The following KIF1B variants were observed in gnomAD, a reference collection of about 807,000 sequenced individuals.
The protein encoded by KIF1B is kinesin family member 1B.
In KIF1B, 76 loss-of-function variants were observed where a neutral mutation model predicts 241.9. The observed-to-expected ratio is 0.31, with a 90% confidence interval of 0.26 to 0.38. The LOEUF is 0.38. Among genes scored for constraint, KIF1B ranks in the 10% least tolerant of loss-of-function variants. The pLI is 1.00. For synonymous variants in KIF1B, 750 were observed against 796.7 expected (o/e 0.94, Z 0.99); for missense variants, 1,622 against 2,271.4 (o/e 0.71, Z 5.81).
At chr1:10,244,637 G>A (rs1341811047) in intron 2 of KIF1B, among the ~76,000 whole-genome samples, 2 of 133,800 alleles carry the variant, frequency 1.5e-5, no homozygotes, top group Non-Finnish European at 3.2e-5. Flanking sequence ...TTTTGAGACG[G>A]AGTCTTGCTC....
In KIF1B at chr1:10,363,304, C is replaced by A; in HGVS notation, c.4326C>A (p.Tyr1442Ter). ...SPDSNRVTGI[Y>*]ELSLCKMSDT... ...ATAGGAATCGAGTCACTGGCATTTA[C>A]GAACTCAGCTTATGCAAAATGTCAG... The change falls in exon 41 of 49, where the codon TAC becomes TAA. Residue 1442 changes from tyrosine to a stop codon, truncating the protein, a stop_gained. Transcript: ENST00000676179. LOFTEE classifies it high-confidence loss of function. 1 of 1,613,292 alleles carries A rather than the reference C, an allele frequency of 6.2e-7. No homozygotes were observed. Among genetic ancestry groups the A allele is most frequent in the Non-Finnish European group, 8.5e-7 (1 of 1,179,312 alleles).
chr1:10,371,779 A>G (rs561496417), intron 45 of KIF1B, among the ~76,000 whole-genome samples: 1 of 152,222 alleles, frequency 6.6e-6, no homozygotes, highest in African/African-American at 2.4e-5. Context: ...CAAAAAATAA[A>G]TAAGATACCC....
chr1:10,369,468 CA>C (rs1169909120), intron 44 of KIF1B, among the ~76,000 whole-genome samples: 2 of 151,820 alleles, frequency 1.3e-5, no homozygotes, highest in Non-Finnish European at 2.9e-5. Flanking sequence ...CCTATCTCTA[CA>C]AAAAAATTTT....
intron 22 of KIF1B, among the ~76,000 whole-genome samples, chr1:10,309,323 C>T (rs771808871): frequency 3.3e-5 from 5 of 152,096 alleles, no homozygotes; most frequent in Non-Finnish European, 5.9e-5. Context: ...CCTTTGCTGT[C>T]GGAGAAACTG....
intron 7 of KIF1B, 21 bp from the exon 8 acceptor site, chr1:10,271,481 C>T: frequency 1.3e-6 from 2 of 1,564,616 alleles, no homozygotes; most frequent in South Asian, 1.1e-5. Context: ...GAATTGCCCC[C>T]ATGTTATTGT....
At chr1:10,305,315 T>C (rs957012059) in intron 22 of KIF1B, 3 of 1,046,776 alleles carry the variant, frequency 2.9e-6, no homozygotes, top group Non-Finnish European at 3.5e-6. Context: ...TGTATCAGAA[T>C]ATGTATGAAA....
At chr1:10,286,841 AT>A (rs113522405) in intron 15 of KIF1B, among the ~76,000 whole-genome samples, 59 of 147,580 alleles carry the variant, frequency 4.0e-4, no homozygotes, top group East Asian at 7.9e-4. Flanking sequence ...GTTTTTTGGA[AT>A]TTTTTTTTTT....
At chr1:10,223,826 G>A (rs2102108779) in intron 1 of KIF1B, among the ~76,000 whole-genome samples, 1 of 152,186 alleles carries the variant, frequency 6.6e-6, no homozygotes, top group Non-Finnish European at 1.5e-5. Context: ...TTACAGGCGT[G>A]AGCCACTGTG....
chr1:10,285,615 C>T (rs1480173391), intron 15 of KIF1B, among the ~76,000 whole-genome samples: 2 of 152,154 alleles, frequency 1.3e-5, no homozygotes, highest in African/African-American at 4.8e-5. Context: ...AAACAGCTTC[C>T]TTAGTGTTTT....
intron 15 of KIF1B, among the ~76,000 whole-genome samples, chr1:10,286,023 C>G (rs750957255): frequency 1.3e-5 from 2 of 151,868 alleles, no homozygotes; most frequent in Non-Finnish European, 2.9e-5. Flanking sequence ...GTTAGGTACT[C>G]ATGTCACACC....
intron 2 of KIF1B, among the ~76,000 whole-genome samples, chr1:10,254,676 A>C (rs1489761916): frequency 1.3e-5 from 2 of 151,916 alleles, no homozygotes; most frequent in Admixed American, 6.6e-5. Flanking sequence ...GGAGATCAAG[A>C]CCATCCTGGC....
chr1:10,364,963 G>C (rs1315551545), intron 41 of KIF1B, 137 bp from the exon 42 acceptor site: 2 of 670,350 alleles, frequency 3.0e-6, no homozygotes, highest in South Asian at 3.6e-5. Flanking sequence ...CTGAGATCAC[G>C]CCACTGCACT....
intron 1 of KIF1B, among the ~76,000 whole-genome samples, chr1:10,214,390 A>G (rs1305879815): frequency 1.3e-5 from 2 of 151,734 alleles, no homozygotes; most frequent in Admixed American, 6.6e-5. Flanking sequence ...CCCGGGTTCA[A>G]ATGATTCTCC....
At position 10,303,289 on chromosome 1, in the gene KIF1B, C is replaced by T. The variant is rs1228634334; in HGVS notation, c.2115+6043C>T. On this transcript the variant is annotated intron_variant, in intron 22 of 48. Transcript: ENST00000676179. This position sits in a 1 kb window ranked among gnomAD's most constrained non-coding sequence, Gnocchi z 5.2. ...GCAAACCATTGTTAAAAAATGTGGC[C>T]TCCCAAGCAGTGGGAAGAAACGTGA... The T allele has an allele frequency of 2.5e-6, 4 of 1,614,160 alleles. No individual in the cohort carries two copies. Among genetic ancestry groups the T allele is most frequent in the Non-Finnish European group, 3.4e-6 (4 of 1,180,034 alleles).
At chr1:10,313,506 CT>C (rs1651156997) in intron 22 of KIF1B, among the ~76,000 whole-genome samples, 1 of 150,180 alleles carries the variant, frequency 6.7e-6, no homozygotes, top group Non-Finnish European at 1.5e-5. Flanking sequence ...ACAGCCAGTG[CT>C]GTGCCTTTAT....
At position 10,318,464 on chromosome 1, in the gene KIF1B, G is replaced by A. The variant is rs542158637; in HGVS notation, c.2116-1579G>A. The stretch of plus-strand genomic sequence containing the variant: ...GGGCTGGGTGCGGTGGCTCACGCCT[G>A]TAATCCCAGCACTTTGGGAGGCCAA... On this transcript the variant is annotated intron_variant, in intron 22 of 48. Coordinates refer to ENST00000676179, the MANE Select transcript of KIF1B (RefSeq NM_001365951.3). Among the ~76,000 whole-genome samples, 130 of 151,668 alleles carry A rather than the reference G, an allele frequency of 8.6e-4. 1 individual carries two copies. The highest frequency in any genetic ancestry group is 1.4e-3 in the Non-Finnish European group (95 of 68,010).
At chr1:10,274,401 G>A (rs1648991282) in intron 10 of KIF1B, among the ~76,000 whole-genome samples, 1 of 151,826 alleles carries the variant, frequency 6.6e-6, no homozygotes, top group Non-Finnish European at 1.5e-5. Context: ...TTTGTCCTGT[G>A]GTAATAAGAA....
At chr1:10,295,312 A>G in intron 18 of KIF1B, 147 bp downstream of exon 18, 1 of 681,112 alleles carries the variant, frequency 1.5e-6, no homozygotes, top group Non-Finnish European at 2.6e-6. Flanking sequence ...CTCTTTCCAA[A>G]TAATGTGTTT....
chr1:10,351,037 A>G lies in KIF1B; in HGVS notation c.3950-1594A>G, dbSNP rs1281676450. ...TGAGAAGTCGAGGCTGCAGTGAACCATGATCATGCCACTGCATGACAGAAC... is the reference window on the plus strand; with the variant it reads ...TGAGAAGTCGAGGCTGCAGTGAACCGTGATCATGCCACTGCATGACAGAAC... On this transcript the variant is annotated intron_variant, in intron 37 of 48. Coordinates refer to ENST00000676179, the MANE Select transcript of KIF1B (RefSeq NM_001365951.3). Among the ~76,000 whole-genome samples, 5 of 147,850 alleles carry G rather than the reference A, an allele frequency of 3.4e-5. No individual in the cohort carries two copies. The South Asian group carries it at 6.4e-4, about 19-fold the overall frequency.
Sources: allele counts gnomAD v4.1 joint callset (sites outside exome capture counted in the v4.1 genomes callset), GRCh38; gene constraint gnomAD v4.1.1; non-coding constraint Gnocchi (gnomAD v3.1); transcripts MANE v1.5; gene names NCBI Gene and HGNC (gene_info 2026-07-23, HGNC 2026-07-21).